CNOT6: variants seen among roughly 807,000 people sequenced by gnomAD.
CNOT6 encodes CCR4-NOT transcription complex subunit 6, also known as carbon catabolite repression 4 protein.
CNOT6 carries 12 observed loss-of-function variants against 61.2 expected under a neutral mutation model. That is an observed-to-expected ratio of 0.20 (90% CI 0.13 to 0.32). The LOEUF (loss-of-function observed/expected upper bound fraction) is 0.32, where lower values mean the gene tolerates loss of function less well. Ranked by LOEUF, CNOT6 falls within the 10% of genes least tolerant of loss-of-function variation. CNOT6 has a pLI of 1.00. For missense variants in CNOT6, 405 were observed against 663.9 expected (o/e 0.61, Z 4.28); for synonymous variants, 225 against 240.6 (o/e 0.94, Z 0.60).
intron 4 of CNOT6, among the ~76,000 whole-genome samples, chr5:180,556,144 G>T (rs1759877821): frequency 2.0e-5 from 3 of 152,154 alleles, no homozygotes; most frequent in Admixed American, 2.0e-4. Context: ...TCAAGACACA[G>T]AATATTTTGT....
chr5:180,507,909 C>T (rs138132442), intron 1 of CNOT6, among the ~76,000 whole-genome samples: 1 of 152,046 alleles, frequency 6.6e-6, no homozygotes, highest in African/African-American at 2.4e-5. Context: ...CCAGATCTTG[C>T]GATAACTCAC....
intron 4 of CNOT6, among the ~76,000 whole-genome samples, chr5:180,559,619 C>T (rs1284406804): frequency 2.6e-5 from 4 of 152,150 alleles, no homozygotes; most frequent in African/African-American, 4.8e-5. Flanking sequence ...GGGTGTAAGT[C>T]GTAAGTCTGC....
rs1201216662 is a variant in CNOT6, at chr5:180,497,740, ATG to A, written c.-3+2980_-3+2981del. Among the ~76,000 whole-genome samples the A allele has an allele frequency of 2.0e-5, 3 of 152,306 alleles. No homozygotes were observed. The South Asian group carries it at 6.2e-4, about 32-fold the overall frequency. On this transcript the variant is annotated intron_variant, in intron 1 of 11. Transcript: ENST00000261951. ...AAGTGTGATTAATAAAACGCTGTGT[ATG>A]TGAAATTAAGAATTGCTGAGACTGG...
At chr5:180,550,394 G>T (rs1759537128) in intron 3 of CNOT6, among the ~76,000 whole-genome samples, 1 of 151,256 alleles carries the variant, frequency 6.6e-6, no homozygotes, top group Non-Finnish European at 1.5e-5. Flanking sequence ...GAGTGGCAGT[G>T]AGCCGAGATC....
rs114503347 is a variant in CNOT6 at position 180,507,130 on chromosome 5, G to A, written c.-3+12367G>A. On this transcript the variant is annotated intron_variant, in intron 1 of 11. Coordinates refer to ENST00000261951, the MANE Select transcript of CNOT6 (RefSeq NM_001370472.1). ...CTAGGGGCCTTTTGGTGTCTGGGGC[G>A]TTTCAGGCAGAAGACATGGCATTGC... 9.9e-3 allele frequency among the ~76,000 whole-genome samples: 1,505 copies of A among 152,242 alleles called. 19 individuals are homozygous for A. Among genetic ancestry groups the A allele is most frequent in the African/African-American group, 0.034 (1,413 of 41,540 alleles).
intron 4 of CNOT6, among the ~76,000 whole-genome samples, chr5:180,563,223 T>TG (rs1468529499): frequency 6.6e-6 from 1 of 151,046 alleles, no homozygotes; most frequent in African/African-American, 2.4e-5. Flanking sequence ...TAAATTTTTT[T>TG]TTTTTTTTTT....
intron 1 of CNOT6, among the ~76,000 whole-genome samples, chr5:180,509,252 C>G (rs1340070749): frequency 6.6e-6 from 1 of 152,200 alleles, no homozygotes; most frequent in African/African-American, 2.4e-5. Context: ...CCGCCTCAGG[C>G]TCCCAAGTAG....
chr5:180,564,874 T>A, intron 6 of CNOT6, 131 bp downstream of exon 6: 1 of 684,440 alleles, frequency 1.5e-6, no homozygotes, highest in Non-Finnish European at 2.5e-6. Context: ...TGGGAGGTAA[T>A]AAAAAAGAAT....
At chr5:180,538,547 G>A (rs1404523662) in intron 2 of CNOT6, among the ~76,000 whole-genome samples, 1 of 151,140 alleles carries the variant, frequency 6.6e-6, no homozygotes, top group Non-Finnish European at 1.5e-5. Context: ...AATTTGCCGG[G>A]CATAGTGGCG....
intron 1 of CNOT6, among the ~76,000 whole-genome samples, chr5:180,510,200 C>T (rs1757329623): frequency 8.6e-6 from 1 of 116,218 alleles, no homozygotes; most frequent in Admixed American, 1.3e-4. Flanking sequence ...GTTGCCCAGG[C>T]TGGAGTGCAG....
chr5:180,513,894 G>A (rs1328269765), intron 1 of CNOT6, among the ~76,000 whole-genome samples: 1 of 151,142 alleles, frequency 6.6e-6, no homozygotes, highest in Non-Finnish European at 1.5e-5. Flanking sequence ...TGGTAGAGAC[G>A]GGGTTTCACC....
rs1760942143 is a variant in CNOT6, at chr5:180,574,966, A to G, written c.*766A>G. ...ATTTTTATGAAAACTATCTACTAGG[A>G]CAGATAAGCTGAACAGTGATGATCT... On this transcript the variant is annotated 3_prime_UTR_variant, in exon 12 of 12. Transcript: ENST00000261951. 6.5e-6 allele frequency: 1 copy of G among 152,756 alleles called. No homozygotes were observed. Among genetic ancestry groups the G allele is most frequent in the Admixed American group, 6.5e-5 (1 of 15,292 alleles). The allele number at this position is 152,756 out of a possible 1,614,324, so 9.5% of individuals were successfully genotyped here.
intron 2 of CNOT6, among the ~76,000 whole-genome samples, chr5:180,538,106 T>C (rs13171609): frequency 0.25 from 36,955 of 145,768 alleles, 5,647 homozygotes; most frequent in Middle Eastern, 0.4. Context: ...TGGCTGGATC[T>C]CCGCACATTG....
chr5:180,508,219 A>C (rs1378274102), intron 1 of CNOT6, among the ~76,000 whole-genome samples: 1 of 152,188 alleles, frequency 6.6e-6, no homozygotes, highest in Non-Finnish European at 1.5e-5. Flanking sequence ...GACTGTGACT[A>C]GGTAAGGAAG....
At position 180,549,926 on chromosome 5, in the gene CNOT6, TACAGG is replaced by T; in HGVS notation, c.113-3_114del. ...AATCCGTTCCTGTATTTTTTTCTCT[TACAGG>T]AAAAGTAAGAAGCTTAAGCGCATCT... On this transcript the variant is annotated splice_acceptor_variant and splice_polypyrimidine_tract_variant and coding_sequence_variant and intron_variant, in exon 3 of 12. Coordinates refer to ENST00000261951, the MANE Select transcript of CNOT6 (RefSeq NM_001370472.1). LOFTEE classifies it high-confidence loss of function. 2.5e-6 allele frequency: 4 copies of T among 1,599,184 alleles called. No homozygotes were observed. The highest frequency in any genetic ancestry group is 1.3e-5 in the African/African-American group (1 of 74,478).
intron 4 of CNOT6, 83 bp from the exon 5 acceptor site, chr5:180,564,406 G>T (rs971171383): frequency 1.0e-5 from 9 of 885,504 alleles, no homozygotes; most frequent in Non-Finnish European, 3.7e-6. Flanking sequence ...AGTTATGGAT[G>T]ATCTGATAAT....
At chr5:180,538,686 GTATATATATATATA>G (rs59342527) in intron 2 of CNOT6, among the ~76,000 whole-genome samples, 39 of 85,074 alleles carry the variant, frequency 4.6e-4, no homozygotes, top group South Asian at 1.1e-3. Context: ...TGAGAAAAAG[GTATATATATATATA>G]TATATATATA....
chr5:180,505,074 T>G (rs983598684), intron 1 of CNOT6, among the ~76,000 whole-genome samples: 2 of 148,468 alleles, frequency 1.3e-5, no homozygotes, highest in African/African-American at 5.0e-5. Context: ...TTCTCCTGCC[T>G]CAGCCTCCCA....
At chr5:180,570,983 A>G (rs1018733186) in intron 10 of CNOT6, among the ~76,000 whole-genome samples, 2 of 152,254 alleles carry the variant, frequency 1.3e-5, no homozygotes, top group Admixed American at 6.5e-5. Flanking sequence ...CACCAGCCCA[A>G]TTGCATTGTG....
Sources: gnomAD v4.1 joint callset for allele counts (sites outside exome capture counted in the v4.1 genomes callset) on GRCh38, gnomAD v4.1.1 for gene constraint, MANE v1.5 for transcripts, NCBI Gene and HGNC (gene_info 2026-07-23, HGNC 2026-07-21) for gene names.